TAMM41: variants seen among roughly 807,000 people sequenced by gnomAD.
The protein encoded by TAMM41 is TAM41 mitochondrial translocator assembly and maintenance homolog.
TAMM41 carries 36 observed loss-of-function variants against 44.1 expected under a neutral mutation model. The ratio of observed to expected loss-of-function variants is 0.82; its 90% CI spans 0.63 to 1.08. The LOEUF is 1.08. Among genes scored for constraint, TAMM41 ranks in the 50% least tolerant of loss-of-function variants. The pLI is 0.00. For missense variants in TAMM41, 417 were observed against 404.3 expected, an observed-to-expected ratio of 1.03 and a Z score of -0.27; for synonymous variants, 164 against 153.1, an observed-to-expected ratio of 1.07 and a Z score of -0.53.
intron 2 of TAMM41, among the ~76,000 whole-genome samples, chr3:11,841,677 G>A (rs1257400715): frequency 1.3e-5 from 2 of 152,202 alleles, no homozygotes; most frequent in Non-Finnish European, 2.9e-5. Flanking sequence ...ACAAAGCTAA[G>A]TGTCCTGCAT....
the TAMM41 span, among the ~76,000 whole-genome samples, chr3:11,772,702 T>G: frequency 6.6e-6 from 1 of 152,218 alleles, no homozygotes; most frequent in Admixed American, 6.5e-5. Flanking sequence ...GATTGGAGTC[T>G]AATGGTAGTT....
chr3:11,843,647 C>T lies in TAMM41; in HGVS notation c.318+382G>A, dbSNP rs113436409. 344 of 160,476 alleles carry T rather than the reference C, an allele frequency of 2.1e-3. 1 individual carries two copies. The highest frequency in any genetic ancestry group is 7.9e-3 in the African/African-American group (329 of 41,752). 9.9% of individuals were successfully genotyped at this position (160,476 alleles called of 1,614,324 possible). A position where few individuals can be genotyped will look rare whatever the true frequency, so the allele number is the denominator to read the frequency against. ...GGGAGAATCACTTGAACCCGTGAGG[C>T]GGAGGTTGCAGTGAGCTGCGATCAC... On this transcript the variant is annotated intron_variant, in intron 2 of 7. Coordinates refer to ENST00000455809, the MANE Select transcript of TAMM41 (RefSeq NM_001284401.2).
intron 4 of TAMM41, 75 bp from the exon 5 acceptor site, chr3:11,817,412 A>G (rs1291829604): frequency 4.1e-6 from 6 of 1,465,806 alleles, no homozygotes; most frequent in South Asian, 4.1e-5. Flanking sequence ...CGCTCCCCAC[A>G]CTGATACCGC....
intron 7 of TAMM41, among the ~76,000 whole-genome samples, chr3:11,792,438 A>C (rs1024166997): frequency 6.6e-6 from 1 of 152,332 alleles, no homozygotes. Context: ...AGGGGTCCAC[A>C]GATTAAGTCT....
the TAMM41 span, among the ~76,000 whole-genome samples, chr3:11,755,837 T>C: frequency 6.6e-6 from 1 of 152,228 alleles, no homozygotes. Context: ...GTTCTCACTG[T>C]CTGCAATAAT....
chr3:11,794,127 A>C (rs1291988354), intron 7 of TAMM41, among the ~76,000 whole-genome samples: 1 of 150,886 alleles, frequency 6.6e-6, no homozygotes, highest in Non-Finnish European at 1.5e-5. Context: ...TACTTGGTCT[A>C]CACTAAGCTT....
chr3:11,785,603 T>A (rs6442285), downstream of TAMM41, among the ~76,000 whole-genome samples: 1 of 151,618 alleles, frequency 6.6e-6, no homozygotes, highest in African/African-American at 2.4e-5. Context: ...GGATTACAGG[T>A]GTGAGCCACC....
chr3:11,746,648 A>ATTT, the TAMM41 span, among the ~76,000 whole-genome samples: 4 of 138,006 alleles, frequency 2.9e-5, no homozygotes, highest in Non-Finnish European at 4.5e-5. Flanking sequence ...ATTATTAATT[A>ATTT]ATTTATTTAT....
Position 11,839,210 on chromosome 3 carries a change from TAAAA to T in TAMM41, c.411+8_411+11del, listed in dbSNP as rs755891893. The stretch of plus-strand genomic sequence containing the variant: ...AAGGCATCCTTAACTGTGCAGCCTA[TAAAA>T]CACTCACCGGTTTTTGGAGTCGTCC... On this transcript the variant is annotated splice_region_variant and intron_variant, in intron 3 of 7. Transcript: ENST00000455809. The T allele has an allele frequency of 1.3e-6, 2 of 1,594,370 alleles. No individual in the cohort carries two copies. Among genetic ancestry groups the T allele is most frequent in the African/African-American group, 2.7e-5 (2 of 74,478 alleles).
intron 3 of TAMM41, among the ~76,000 whole-genome samples, chr3:11,838,939 T>C (rs1469300222): frequency 6.6e-6 from 1 of 152,230 alleles, no homozygotes; most frequent in African/African-American, 2.4e-5. Flanking sequence ...AAGGAACTTG[T>C]TATGAATAAT....
At chr3:11,835,281 G>GT (rs1242309515) in intron 3 of TAMM41, among the ~76,000 whole-genome samples, 2 of 152,030 alleles carry the variant, frequency 1.3e-5, no homozygotes, top group Non-Finnish European at 2.9e-5. Context: ...CTGGTTAACA[G>GT]TGATTTCCAC....
At chr3:11,741,311 A>G in the TAMM41 span, among the ~76,000 whole-genome samples, 1 of 146,920 alleles carries the variant, frequency 6.8e-6, no homozygotes, top group Non-Finnish European at 1.5e-5. Flanking sequence ...GCGTCCCCAC[A>G]CAGCAGAAGG....
intron 7 of TAMM41, among the ~76,000 whole-genome samples, chr3:11,800,746 A>G (rs1233588296): frequency 6.6e-6 from 1 of 152,166 alleles, no homozygotes; most frequent in East Asian, 1.9e-4. Context: ...TACTCACAGC[A>G]CTATACAGAC....
chr3:11,739,474 G>A, the TAMM41 span, among the ~76,000 whole-genome samples: 2 of 152,100 alleles, frequency 1.3e-5, no homozygotes, highest in Admixed American at 6.6e-5. Flanking sequence ...TGGGCATGCT[G>A]TGGCCATCTT....
downstream of TAMM41, among the ~76,000 whole-genome samples, chr3:11,787,088 A>C (rs1278544151): frequency 1.3e-5 from 2 of 152,054 alleles, no homozygotes; most frequent in African/African-American, 4.8e-5. Context: ...GAACACCTCC[A>C]TGTGGCCTCT....
the TAMM41 span, among the ~76,000 whole-genome samples, chr3:11,751,178 G>C: frequency 2.7e-5 from 4 of 146,742 alleles, no homozygotes; most frequent in Admixed American, 2.8e-4. Flanking sequence ...TGCAACCTCT[G>C]CCTCCCGGGT....
chr3:11,761,862 A>G, the TAMM41 span, among the ~76,000 whole-genome samples: 106 of 149,530 alleles, frequency 7.1e-4, no homozygotes, highest in Non-Finnish European at 9.7e-4. Flanking sequence ...CAGGGGAATC[A>G]CTTGAACCCA....
chr3:11,797,100 C>T (rs1397798513), intron 7 of TAMM41, among the ~76,000 whole-genome samples: 7 of 152,132 alleles, frequency 4.6e-5, no homozygotes, highest in Non-Finnish European at 8.8e-5. Flanking sequence ...CAAGGCTATT[C>T]CTATTAAACT....
At chr3:11,794,535 A>G (rs1010751830) in intron 7 of TAMM41, among the ~76,000 whole-genome samples, 1 of 152,230 alleles carries the variant, frequency 6.6e-6, no homozygotes, top group Non-Finnish European at 1.5e-5. Context: ...CTTTAGATGC[A>G]TTCCCTGTAG....
Sources: allele counts gnomAD v4.1 joint callset (sites outside exome capture counted in the v4.1 genomes callset), GRCh38; gene constraint gnomAD v4.1.1; transcripts MANE v1.5; gene names NCBI Gene and HGNC (gene_info 2026-07-23, HGNC 2026-07-21).